ACO2: variants seen among roughly 807,000 people sequenced by gnomAD.
ACO2 encodes the protein aconitate hydratase, mitochondrial.
Under a neutral mutation model 84.5 loss-of-function variants are expected in ACO2, and 31 were observed. The ratio of observed to expected loss-of-function variants is 0.37; its 90% confidence interval spans 0.28 to 0.50. ACO2 has a LOEUF of 0.50. ACO2 is among the 20% of genes least tolerant of loss of function. The pLI is 0.97. For synonymous variants in ACO2, 414 were observed against 412.7 expected (o/e 1.00, Z -0.04); for missense variants, 685 against 1,029.3 (o/e 0.67, Z 4.58).
intron 2 of ACO2, among the ~76,000 whole-genome samples, chr22:41,500,817 C>T (rs1042302315): frequency 6.6e-6 from 1 of 152,134 alleles, no homozygotes; most frequent in Non-Finnish European, 1.5e-5. Flanking sequence ...AATTCTCATG[C>T]CTCAGCCTCC....
At chr22:41,518,380 G>T (rs1055507681) in intron 7 of ACO2, 101 bp from the exon 8 acceptor site, 1 of 849,912 alleles carries the variant, frequency 1.2e-6, no homozygotes, top group Non-Finnish European at 2.0e-6. Context: ...CAGTGCCCAG[G>T]GTGGGCCTGG....
intron 3 of ACO2, among the ~76,000 whole-genome samples, chr22:41,511,312 C>G (rs763766255): frequency 6.6e-6 from 1 of 152,248 alleles, no homozygotes; most frequent in Non-Finnish European, 1.5e-5. Flanking sequence ...ACTGGAATTA[C>G]AGGTGTGCAC....
chr22:41,502,229 G>A (rs2066358529), intron 2 of ACO2, among the ~76,000 whole-genome samples: 1 of 152,182 alleles, frequency 6.6e-6, no homozygotes, highest in Non-Finnish European at 1.5e-5. Context: ...TCTGATTCAA[G>A]TGATCTAGGC....
intron 1 of ACO2, among the ~76,000 whole-genome samples, chr22:41,498,184 C>T (rs1465682483): frequency 1.3e-5 from 2 of 151,138 alleles, no homozygotes; most frequent in Admixed American, 6.6e-5. Flanking sequence ...TAGTAGTGTG[C>T]GCCTGTAGTC....
Position 41,526,467 on chromosome 22 carries a change from G to A in ACO2, c.1953+14G>A, listed in dbSNP as rs1056554122. 6.2e-7 allele frequency: 1 copy of A among 1,606,066 alleles called. No individual in the cohort carries two copies. Among genetic ancestry groups the A allele is most frequent in the Non-Finnish European group, 8.5e-7 (1 of 1,174,722 alleles). ...CGCTACTACAAGGTGGGTCAGAGTT[G>A]ATAGGGGCAATGCCAGTGGTCACTC... On this transcript the variant is annotated intron_variant, in intron 15 of 17. Coordinates refer to ENST00000216254, the MANE Select transcript of ACO2 (RefSeq NM_001098.3).
At chr22:41,485,434 A>ATTTTTTT (rs71184813) in intron 1 of ACO2, among the ~76,000 whole-genome samples, 4 of 69,024 alleles carry the variant, frequency 5.8e-5, no homozygotes, top group Non-Finnish European at 8.5e-5. Flanking sequence ...TGCCCGGCTA[A>ATTTTTTT]TTTTTTTTTT....
intron 9 of ACO2, among the ~76,000 whole-genome samples, chr22:41,521,035 C>CAAA (rs375633363): frequency 1.8e-3 from 145 of 81,590 alleles, no homozygotes; most frequent in African/African-American, 4.6e-3. Context: ...AGCCTGCCTC[C>CAAA]AAAAAAAAAA....
intron 1 of ACO2, among the ~76,000 whole-genome samples, chr22:41,478,675 A>G (rs984050662): frequency 3.3e-5 from 5 of 151,144 alleles, no homozygotes; most frequent in African/African-American, 1.2e-4. Flanking sequence ...TCTGATTGGG[A>G]GCTTTAATTC....
rs772846517 is a variant in ACO2 at position 41,528,547 on chromosome 22, C to T, written c.2277C>T (p.Asn759=). ...CCATCCTCCTGAACCACACCTTCAA[C>T]GAGACGCAGATTGAGTGGTTCCGCG... ...QETILLNHTF[N]ETQIEWFRAG... is the part of the protein sequence containing the mutation. Residue 759 remains asparagine, a synonymous_variant, in exon 18 of 18, where the codon AAC becomes AAT. Transcript: ENST00000216254. The T allele has an allele frequency of 9.3e-6, 15 of 1,613,090 alleles. No homozygotes were observed. The highest frequency in any genetic ancestry group is 1.8e-4 in the Middle Eastern group (1 of 5,416).
intron 4 of ACO2, among the ~76,000 whole-genome samples, chr22:41,513,778 G>A (rs2066455000): frequency 6.6e-6 from 1 of 152,172 alleles, no homozygotes; most frequent in Non-Finnish European, 1.5e-5. Flanking sequence ...ATTTCCAGGT[G>A]TAGTTCTAGG....
chr22:41,499,990 C>T, intron 2 of ACO2, 128 bp downstream of exon 2: 1 of 1,252,730 alleles, frequency 8.0e-7, no homozygotes, highest in Non-Finnish European at 1.1e-6. Context: ...ATTCAAGGTA[C>T]AAAGGTTTCT....
intron 3 of ACO2, among the ~76,000 whole-genome samples, chr22:41,508,353 C>T (rs960603246): frequency 6.6e-5 from 10 of 152,232 alleles, no homozygotes; most frequent in Non-Finnish European, 1.5e-4. Context: ...AGGGGCCATG[C>T]AGGCCTCCCT....
chr22:41,507,559 T>C (rs2066402852), intron 2 of ACO2, among the ~76,000 whole-genome samples: 1 of 152,190 alleles, frequency 6.6e-6, no homozygotes, highest in Admixed American at 6.5e-5. Flanking sequence ...ATTCACTTAC[T>C]CATCAAGTAA....
rs150607397 is a variant in ACO2 at position 41,526,372 on chromosome 22, T to C, written c.1872T>C (p.Ile624=). 1.8e-5 allele frequency: 29 copies of C among 1,613,770 alleles called. No homozygotes were observed. Among genetic ancestry groups the C allele is most frequent in the Non-Finnish European group, 2.4e-5 (28 of 1,180,038 alleles). The change falls in exon 15 of 18, where the codon ATT becomes ATC. Residue 624 remains isoleucine (I), a synonymous_variant. Transcript: ENST00000216254. ...ACCTGCTCATTGGTGCCATCAACAT[T>C]GAAAACGGCAAGGCCAACTCCGTGC... ...SNNLLIGAIN[I]ENGKANSVRN... is the part of the protein sequence containing the mutation.
intron 4 of ACO2, among the ~76,000 whole-genome samples, chr22:41,512,614 C>T (rs557059305): frequency 6.6e-6 from 1 of 152,332 alleles, no homozygotes; most frequent in East Asian, 1.9e-4. Flanking sequence ...TGCTTCTGCA[C>T]GTGGCGCTCC....
chr22:41,514,416 A>G (rs1420643830), intron 4 of ACO2, among the ~76,000 whole-genome samples: 1 of 152,232 alleles, frequency 6.6e-6, no homozygotes, highest in Non-Finnish European at 1.5e-5. Flanking sequence ...CAGTGAACCA[A>G]TGATGTGAGC....
rs779993600 is a variant in ACO2 at position 41,515,850 on chromosome 22, G to A, written c.768G>A (p.Thr256=). 1.2e-5 allele frequency: 19 copies of A among 1,614,222 alleles called. No homozygotes were observed. Among genetic ancestry groups the A allele is most frequent in the South Asian group, 9.9e-5 (9 of 91,086 alleles). ...TCCTGAAGGTGGCAGGCATCCTCAC[G>A]GTGAAAGGTGGCACAGGTGCAATCG... The part of the protein sequence containing the change: ...DVILKVAGIL[T]VKGGTGAIVE... The change falls in exon 6 of 18, where the codon ACG becomes ACA. Residue 256 remains threonine, a synonymous_variant. Coordinates refer to ENST00000216254, the MANE Select transcript of ACO2 (RefSeq NM_001098.3). This position sits in a 1 kb window ranked among gnomAD's most constrained non-coding sequence, Gnocchi z 5.8.
intron 2 of ACO2, among the ~76,000 whole-genome samples, chr22:41,501,244 C>A (rs1303341393): frequency 6.6e-6 from 1 of 152,146 alleles, no homozygotes; most frequent in Non-Finnish European, 1.5e-5. Flanking sequence ...CAAAACTGTT[C>A]TCCCACCGTG....
At chr22:41,526,013 G>T (rs2066586626) in intron 14 of ACO2, 2 of 431,434 alleles carry the variant, frequency 4.6e-6, no homozygotes, top group Non-Finnish European at 4.2e-6. Flanking sequence ...CCAACTTTGG[G>T]CGGCCTCTGC....
Sources: allele counts gnomAD v4.1 joint callset (sites outside exome capture counted in the v4.1 genomes callset), GRCh38; gene constraint gnomAD v4.1.1; non-coding constraint Gnocchi (gnomAD v3.1); transcripts MANE v1.5; gene names NCBI Gene and HGNC (gene_info 2026-07-23, HGNC 2026-07-21).